The following BAZ1A variants were observed in gnomAD, a reference collection of about 807,000 sequenced individuals.
BAZ1A encodes bromodomain adjacent to zinc finger domain protein 1A.
Under a neutral mutation model 185.2 loss-of-function variants are expected in BAZ1A, and 50 were observed. The ratio of observed to expected loss-of-function variants is 0.27; its 90% CI spans 0.22 to 0.34. The LOEUF (loss-of-function observed/expected upper bound fraction) is 0.34, where lower values mean the gene tolerates loss of function less well. Among genes scored for constraint, BAZ1A ranks in the 10% least tolerant of loss-of-function variants. The pLI is 1.00. For missense variants in BAZ1A, 1,356 were observed against 1,839.9 expected, an observed-to-expected ratio of 0.74 and a Z score of 4.81; for synonymous variants, 571 against 615.6, an observed-to-expected ratio of 0.93 and a Z score of 1.07.
intron 2 of BAZ1A, among the ~76,000 whole-genome samples, chr14:34,867,595 A>G (rs532479889): frequency 3.8e-4 from 58 of 152,368 alleles, no homozygotes; most frequent in African/African-American, 1.4e-3. Context: ...GGTTTCTACT[A>G]TCTCCTACAA....
intron 2 of BAZ1A, among the ~76,000 whole-genome samples, chr14:34,873,699 C>T (rs752507393): frequency 1.3e-5 from 2 of 152,226 alleles, no homozygotes; most frequent in Non-Finnish European, 2.9e-5. Flanking sequence ...GCTTCTTCCC[C>T]CTTCCTCTTC....
At chr14:34,766,061 G>C (rs1233728803) in intron 21 of BAZ1A, among the ~76,000 whole-genome samples, 2 of 152,078 alleles carry the variant, frequency 1.3e-5, no homozygotes, top group African/African-American at 4.8e-5. Flanking sequence ...GAAAATGCAG[G>C]CTTTGGAGAC....
intron 2 of BAZ1A, among the ~76,000 whole-genome samples, chr14:34,867,913 C>A (rs2042886883): frequency 6.6e-6 from 1 of 152,200 alleles, no homozygotes; most frequent in Admixed American, 6.5e-5. Flanking sequence ...GGGTTGGTTA[C>A]AATGCCTCTT....
intron 12 of BAZ1A, among the ~76,000 whole-genome samples, chr14:34,792,342 G>A (rs1234501106): frequency 2.6e-5 from 4 of 151,330 alleles, no homozygotes; most frequent in Admixed American, 6.6e-5. Flanking sequence ...CCAAGATCAC[G>A]CCAACGCACT....
rs930003356 is a variant in BAZ1A at position 34,810,815 on chromosome 14, T to A, written c.638+120A>T. On this transcript the variant is annotated intron_variant, in intron 5 of 26. Transcript: ENST00000360310. The stretch of plus-strand genomic sequence containing the variant: ...CAGTCTATGAACATATAAATGTACA[T>A]TTATTTTTAAGAAGGAAAGCAATCA... 6.8e-6 allele frequency: 5 copies of A among 735,094 alleles called. No homozygotes were observed. In the African/African-American group the frequency reaches 9.0e-5, roughly 13 times the overall value. The allele number at this position is 735,094 out of a possible 1,614,324, so 45.5% of individuals were successfully genotyped here.
chr14:34,792,006 T>G (rs963740337), intron 12 of BAZ1A, among the ~76,000 whole-genome samples: 1 of 152,168 alleles, frequency 6.6e-6, no homozygotes, highest in Non-Finnish European at 1.5e-5. Context: ...AGAAGTAAAA[T>G]TTTATTTAAC....
chr14:34,848,675 T>C (rs2042553296), intron 3 of BAZ1A, among the ~76,000 whole-genome samples: 1 of 152,218 alleles, frequency 6.6e-6, no homozygotes, highest in African/African-American at 2.4e-5. Context: ...ATGCTCACTT[T>C]GGCAGCACAT....
intron 17 of BAZ1A, 140 bp downstream of exon 17, chr14:34,780,046 G>A (rs953023619): frequency 6.7e-6 from 7 of 1,045,400 alleles, no homozygotes; most frequent in Non-Finnish European, 9.9e-6. Context: ...ACAGCTATGA[G>A]GTGGGCATTT....
rs1594915644 is a variant in BAZ1A, at chr14:34,864,796, G to T, written c.114-2474C>A. 2.4e-5 allele frequency among the ~76,000 whole-genome samples: 3 copies of T among 127,604 alleles called. No individual in the cohort carries two copies. The East Asian group carries it at 6.7e-4, about 28-fold the overall frequency. The allele number at this position is 127,604 out of a possible 152,430, so 83.7% of individuals were successfully genotyped here. On this transcript the variant is annotated intron_variant, in intron 2 of 26. Coordinates refer to ENST00000360310, the MANE Select transcript of BAZ1A (RefSeq NM_013448.3). ...AATAAATTTTTTTTTTTTTTTTAAA[G>T]ACAGAGTTCTCGCTCTGTCACCCAG... is the stretch of plus-strand genomic sequence containing the variant.
chr14:34,780,341 T>G (rs1879957759), intron 16 of BAZ1A, 31 bp from the exon 17 acceptor site: 1 of 1,581,062 alleles, frequency 6.3e-7, no homozygotes, highest in African/African-American at 1.4e-5. Context: ...TGACATTTAC[T>G]AATGAATATA....
chr14:34,862,082 G>C lies in BAZ1A; in HGVS notation c.354C>G (p.Val118=), dbSNP rs17592803. ...IFAYVKDRYF[V]EETVEVIRNN... ...TCCTAATGACTTCCACAGTTTCTTC[G>C]ACAAAATATCGATCCTTGACATATG... is the stretch of plus-strand genomic sequence containing the variant. The change falls in exon 3 of 27, where the codon GTC becomes GTG. Residue 118 remains valine (V), a synonymous_variant. Transcript: ENST00000360310. The C allele has an allele frequency of 5.6e-6, 9 of 1,613,910 alleles. No homozygotes were observed. The highest frequency in any genetic ancestry group is 7.6e-6 in the Non-Finnish European group (9 of 1,179,984).
chr14:34,779,027 T>C (rs1351779560), intron 17 of BAZ1A, among the ~76,000 whole-genome samples: 2 of 152,248 alleles, frequency 1.3e-5, no homozygotes, highest in East Asian at 3.9e-4. Flanking sequence ...GCTTGCTTTC[T>C]GGGTACTTTT....
At chr14:34,766,772 C>T (rs1878872168) in intron 21 of BAZ1A, among the ~76,000 whole-genome samples, 3 of 152,164 alleles carry the variant, frequency 2.0e-5, no homozygotes, top group Admixed American at 2.0e-4. Context: ...CAAATTCTCT[C>T]TGAAAAGATT....
chr14:34,800,133 G>A, intron 9 of BAZ1A, 91 bp downstream of exon 9: 1 of 1,179,966 alleles, frequency 8.5e-7, no homozygotes, highest in Non-Finnish European at 1.1e-6. Flanking sequence ...AATGAAAGTA[G>A]TAAAAGCATT....
intron 12 of BAZ1A, among the ~76,000 whole-genome samples, chr14:34,788,175 G>A (rs2184621): frequency 0.71 from 107,343 of 151,904 alleles, 38,358 homozygotes; most frequent in East Asian, 0.97. Context: ...CCGCCACCAC[G>A]CCTGGCTAAT....
intron 4 of BAZ1A, among the ~76,000 whole-genome samples, chr14:34,813,735 A>G (rs2041963917): frequency 6.6e-6 from 1 of 151,548 alleles, no homozygotes; most frequent in Admixed American, 6.6e-5. Flanking sequence ...AGCAACGACA[A>G]GAGTTCTCAG....
rs1395883949 is a variant in BAZ1A, at chr14:34,802,913, T to C, written c.802A>G (p.Ile268Val). Residue 268 changes from isoleucine (I) to valine (V), a missense_variant, in exon 7 of 27, where the codon ATC (isoleucine) becomes GTC (valine). Transcript: ENST00000360310. ...CTTCGTCTGTTAGCAGGACTGAAGA[T>C]AAATGTGGGTGGATCATCAGGGAAG... ...YFFPDDPPTFIFSPANRRRGR... is the reference protein window; with the variant it reads ...YFFPDDPPTFVFSPANRRRGR... The C allele has an allele frequency of 6.2e-7, 1 of 1,613,116 alleles. No homozygotes were observed. The highest frequency in any genetic ancestry group is 8.5e-7 in the Non-Finnish European group (1 of 1,179,068).
chr14:34,846,909 T>A (rs1368562264), intron 3 of BAZ1A, among the ~76,000 whole-genome samples: 1 of 152,162 alleles, frequency 6.6e-6, no homozygotes, highest in African/African-American at 2.4e-5. Flanking sequence ...TTAAAAATAA[T>A]TTTTAAAAAA....
At chr14:34,762,635 ATTTTTGTAGT>A (rs1316537579) in intron 23 of BAZ1A, among the ~76,000 whole-genome samples, 1 of 151,876 alleles carries the variant, frequency 6.6e-6, no homozygotes, top group Non-Finnish European at 1.5e-5. Context: ...TGCCTGGCTA[ATTTTTGTAGT>A]TTTTTGTAGA....
Sources: gnomAD v4.1 joint callset for allele counts (sites outside exome capture counted in the v4.1 genomes callset) on GRCh38, gnomAD v4.1.1 for gene constraint, MANE v1.5 for transcripts, NCBI Gene and HGNC (gene_info 2026-07-23, HGNC 2026-07-21) for gene names.